The following KSR2 variants were observed in gnomAD, a reference collection of about 807,000 sequenced individuals.
KSR2 encodes kinase suppressor of ras 2.
A neutral mutation model predicts 107.8 loss-of-function variants in KSR2; 25 were observed. That is an observed-to-expected ratio of 0.23 (90% CI 0.17 to 0.32). KSR2 has a LOEUF of 0.32. Ranked by LOEUF, KSR2 falls within the 10% of genes least tolerant of loss-of-function variation. The probability of loss-of-function intolerance (pLI) is 1.00; values close to 1 mark genes in which losing one functional copy is unlikely to be tolerated. For synonymous variants in KSR2, 480 were observed against 507.0 expected, an observed-to-expected ratio of 0.95 and a Z score of 0.71; for missense variants, 887 against 1,268.9, an observed-to-expected ratio of 0.70 and a Z score of 4.57.
rs566242213 is a variant in KSR2, at chr12:117,667,142, G to C, written c.1171+332C>G. Among the ~76,000 whole-genome samples the C allele has an allele frequency of 5.9e-5, 9 of 152,288 alleles. No homozygotes were observed. The East Asian group carries it at 1.5e-3, about 26-fold the overall frequency. ...AGACAGCCGGGAAGAGGGAGAGAGA[G>C]GGCGGGTGCCTCCCTGAATGCCTGC... On this transcript the variant is annotated intron_variant, in intron 5 of 19. Coordinates refer to ENST00000339824, the MANE Select transcript of KSR2 (RefSeq NM_173598.6).
intron 7 of KSR2, among the ~76,000 whole-genome samples, chr12:117,568,754 C>T (rs1878694872): frequency 6.6e-6 from 1 of 152,116 alleles, no homozygotes; most frequent in African/African-American, 2.4e-5. Flanking sequence ...CACATCTAAT[C>T]CCACCTCAGC....
At chr12:117,660,205 A>T (rs1884370799) in intron 5 of KSR2, among the ~76,000 whole-genome samples, 1 of 152,146 alleles carries the variant, frequency 6.6e-6, no homozygotes, top group African/African-American at 2.4e-5. Context: ...AATGAGGAGG[A>T]GGTCTGCGTT....
rs532082381 is a variant in KSR2, at chr12:117,805,873, T to G, written c.473-44349A>C. 5.3e-5 allele frequency among the ~76,000 whole-genome samples: 8 copies of G among 152,128 alleles called. No homozygotes were observed. In the East Asian group the frequency reaches 1.5e-3, roughly 29 times the overall value. On this transcript the variant is annotated intron_variant, in intron 3 of 19. Transcript: ENST00000339824. ...GGTGTGTGCCTGTAATCCCAGCTAT[T>G]TGGGAAGCTGAGGCACAAGAACTGC...
At chr12:117,826,652 T>G (rs960846357) in intron 3 of KSR2, among the ~76,000 whole-genome samples, 2 of 152,002 alleles carry the variant, frequency 1.3e-5, no homozygotes, top group Non-Finnish European at 2.9e-5. Context: ...TGCCTGACAT[T>G]AGCAGATGCA....
chr12:117,955,422 A>G (rs1896483252), intron 1 of KSR2, among the ~76,000 whole-genome samples: 1 of 152,052 alleles, frequency 6.6e-6, no homozygotes, highest in Non-Finnish European at 1.5e-5. Context: ...CACAATCCTG[A>G]TTTTATAAAC....
intron 4 of KSR2, among the ~76,000 whole-genome samples, chr12:117,685,208 C>T (rs748780409): frequency 3.9e-5 from 6 of 152,304 alleles, no homozygotes; most frequent in South Asian, 4.2e-4. Flanking sequence ...TCTGTGTTGG[C>T]GTCCAGGCCC....
intron 3 of KSR2, among the ~76,000 whole-genome samples, chr12:117,823,946 A>T (rs1199378880): frequency 6.6e-6 from 1 of 152,220 alleles, no homozygotes; most frequent in Non-Finnish European, 1.5e-5. Context: ...GGCTGCCTGC[A>T]ACCCCAGGTT....
At chr12:117,875,858 C>T (rs932403022) in intron 1 of KSR2, among the ~76,000 whole-genome samples, 40 of 152,082 alleles carry the variant, frequency 2.6e-4, no homozygotes, top group African/African-American at 9.4e-4. Flanking sequence ...GTTACGCCTC[C>T]CCCCCACCAC....
chr12:117,680,402 C>A (rs1237775315), intron 4 of KSR2, among the ~76,000 whole-genome samples: 1 of 152,174 alleles, frequency 6.6e-6, no homozygotes. Flanking sequence ...CTAGTGGCTA[C>A]TGCACCGGAC....
intron 10 of KSR2, among the ~76,000 whole-genome samples, chr12:117,532,527 C>T (rs1013092868): frequency 1.3e-5 from 2 of 152,210 alleles, no homozygotes; most frequent in Non-Finnish European, 2.9e-5. Flanking sequence ...TCCTGTAAAG[C>T]AGCATCTTCC....
intron 17 of KSR2, among the ~76,000 whole-genome samples, chr12:117,474,348 C>A (rs889775150): frequency 6.6e-6 from 1 of 152,108 alleles, no homozygotes; most frequent in African/African-American, 2.4e-5. Context: ...ATAAAATAAT[C>A]AGGCCAACTG....
Position 117,618,463 on chromosome 12 carries a change from T to A in KSR2, c.1172-36104A>T, listed in dbSNP as rs547587390. ...TTGAGAGGAAATGCAGTATTGAACT[T>A]TGGGCTCTTTCCTCTGTGCCTCCTT... On this transcript the variant is annotated intron_variant, in intron 5 of 19. Coordinates refer to ENST00000339824, the MANE Select transcript of KSR2 (RefSeq NM_173598.6). Among the ~76,000 whole-genome samples, 10 of 152,186 alleles carry A rather than the reference T, an allele frequency of 6.6e-5. No individual in the cohort carries two copies. In the East Asian group the frequency reaches 1.2e-3, roughly 18 times the overall value.
At chr12:117,741,948 A>G (rs1888234726) in intron 4 of KSR2, among the ~76,000 whole-genome samples, 1 of 152,220 alleles carries the variant, frequency 6.6e-6, no homozygotes, top group Non-Finnish European at 1.5e-5. Context: ...ATGAATTTCA[A>G]CTGGTGAGAG....
At chr12:117,736,294 T>C (rs1160258544) in intron 4 of KSR2, among the ~76,000 whole-genome samples, 2 of 152,158 alleles carry the variant, frequency 1.3e-5, no homozygotes, top group East Asian at 3.8e-4. Context: ...TGATCAAGTC[T>C]GTAAATTTCA....
At chr12:117,517,097 G>A (rs1007295071) in intron 14 of KSR2, among the ~76,000 whole-genome samples, 1 of 152,112 alleles carries the variant, frequency 6.6e-6, no homozygotes, top group African/African-American at 2.4e-5. Context: ...TTAGAAGAAG[G>A]CAAATCCAAA....
chr12:117,670,268 T>C (rs940658515), intron 4 of KSR2, among the ~76,000 whole-genome samples: 1 of 152,248 alleles, frequency 6.6e-6, no homozygotes, highest in African/African-American at 2.4e-5. Flanking sequence ...TACCACTGCT[T>C]TGATTTGAGT....
rs186530711 is a variant in KSR2, at chr12:117,951,009, G to T, written c.180+17067C>A. Among the ~76,000 whole-genome samples, 745 of 152,036 alleles carry T rather than the reference G, an allele frequency of 4.9e-3. 8 individuals are homozygous for T. The highest frequency in any genetic ancestry group is 0.016 in the African/African-American group (681 of 41,488). On this transcript the variant is annotated intron_variant, in intron 1 of 19. Coordinates refer to ENST00000339824, the MANE Select transcript of KSR2 (RefSeq NM_173598.6). ...ACTCACTGTAAGCTCCCGGATTCAT[G>T]CCATTCTCCTGCCTTAGCCTCCCAA...
At chr12:117,722,266 C>T (rs1262235541) in intron 4 of KSR2, among the ~76,000 whole-genome samples, 3 of 152,060 alleles carry the variant, frequency 2.0e-5, no homozygotes, top group African/African-American at 7.3e-5. Flanking sequence ...GGTGGGGGAA[C>T]CCTAGATGAC....
intron 1 of KSR2, among the ~76,000 whole-genome samples, chr12:117,905,705 C>G (rs1237243610): frequency 2.6e-5 from 4 of 152,042 alleles, no homozygotes; most frequent in African/African-American, 7.3e-5. Flanking sequence ...AAGCAAGTGA[C>G]GAGGGTTCAG....
Sources: allele counts gnomAD v4.1 joint callset (sites outside exome capture counted in the v4.1 genomes callset), GRCh38; gene constraint gnomAD v4.1.1; transcripts MANE v1.5; gene names NCBI Gene and HGNC (gene_info 2026-07-23, HGNC 2026-07-21).